NUBP1: variants seen among roughly 807,000 people sequenced by gnomAD.
The protein encoded by NUBP1 is cytosolic Fe-S cluster assembly factor NUBP1.
A neutral mutation model predicts 41.8 loss-of-function variants in NUBP1; 46 were observed. That is an observed-to-expected ratio of 1.10 (90% CI 0.87 to 1.41). NUBP1 has a LOEUF of 1.41. Among genes scored for constraint, NUBP1 ranks in the 40% most tolerant of loss-of-function variants. NUBP1 has a pLI of 0.00. For synonymous variants in NUBP1, 189 were observed against 154.6 expected, an observed-to-expected ratio of 1.22 and a Z score of -1.65; for missense variants, 494 against 414.0, an observed-to-expected ratio of 1.19 and a Z score of -1.68.
rs1298197253 is a variant in NUBP1 at position 10,756,699 on chromosome 16, G to A, written c.370G>A (p.Asp124Asn). Residue 124 changes from aspartate (D) to asparagine (N), a missense_variant, in exon 6 of 11, where the codon GAC becomes AAC. By Grantham distance (23) the Asp-to-Asn change is conservative. Transcript: ENST00000283027. ...GSGWSPVYVE[D>N]NLGVMSVGFL... ...CCTGTTCCCTCTGCAGTACGTGGAA[G>A]ACAACCTGGGGGTGATGTCAGTGGG... is the stretch of plus-strand genomic sequence containing the variant. 6.4e-7 allele frequency: 1 copy of A among 1,567,446 alleles called. No individual in the cohort carries two copies. Among genetic ancestry groups the A allele is most frequent in the Admixed American group, 2.0e-5 (1 of 49,984 alleles).
chr16:10,766,628 T>G lies in NUBP1; in HGVS notation c.821-1321T>G, dbSNP rs2030916954. On this transcript the variant is annotated intron_variant, in intron 9 of 10. Coordinates refer to ENST00000283027, the MANE Select transcript of NUBP1 (RefSeq NM_002484.4). The surrounding 1 kb of genome is among the most constrained non-coding windows in gnomAD (Gnocchi z 4.8). ...GGCCCAGCGTTAACGGCGGAGGATG[T>G]CCAGGTTCTTGGTGTCTGGAACAAA... 1 of 218,346 alleles carries G rather than the reference T, an allele frequency of 4.6e-6. No individual in the cohort carries two copies. The highest frequency in any genetic ancestry group is 5.9e-5 in the Admixed American group (1 of 17,062). 13.5% of individuals were successfully genotyped at this position (218,346 alleles called of 1,614,324 possible). A position where few individuals can be genotyped will look rare whatever the true frequency, so the allele number is the denominator to read the frequency against.
chr16:10,755,699 A>G (rs374476168), intron 4 of NUBP1, 22 bp from the exon 5 acceptor site: 25 of 1,613,630 alleles, frequency 1.5e-5, no homozygotes, highest in South Asian at 1.3e-4. Context: ...ACTAATGAAC[A>G]TCGGTGCTCA....
intron 7 of NUBP1, among the ~76,000 whole-genome samples, chr16:10,760,318 G>A (rs995435523): frequency 1.3e-5 from 2 of 152,230 alleles, no homozygotes; most frequent in Non-Finnish European, 2.9e-5. Context: ...GGCTGGTTCC[G>A]GAGGAACTTT....
chr16:10,761,860 G>A lies in NUBP1; in HGVS notation c.820+1G>A, dbSNP rs373364504. ...AGAGTGCCCCTGGATCCGCTCATAG[G>A]TGGGTGACCCCAGTGTGGGGCGGCA... is the stretch of plus-strand genomic sequence containing the variant. On this transcript the variant is annotated splice_donor_variant, in intron 9 of 10. Transcript: ENST00000283027. LOFTEE classifies it high-confidence loss of function. 2 of 1,612,332 alleles carry A rather than the reference G, an allele frequency of 1.2e-6. No individual in the cohort carries two copies. Among genetic ancestry groups the A allele is most frequent in the African/African-American group, 2.7e-5 (2 of 74,880 alleles).
chr16:10,765,524 A>G lies in NUBP1; in HGVS notation c.821-2425A>G, dbSNP rs78178924. Among the ~76,000 whole-genome samples the G allele has an allele frequency of 0.025, 3,840 of 152,054 alleles. 164 individuals are homozygous for G. Among genetic ancestry groups the G allele is most frequent in the African/African-American group, 0.088 (3,637 of 41,456 alleles). On this transcript the variant is annotated intron_variant, in intron 9 of 10. Transcript: ENST00000283027. The surrounding 1 kb of genome is among the most constrained non-coding windows in gnomAD (Gnocchi z 4.0). ...ACCTGTCTCAAAAAAAAATTTAAAA[A>G]TGGCATGCTTGCTGACCCACCCAAA...
At chr16:10,762,518 C>A (rs181055612) in intron 9 of NUBP1, among the ~76,000 whole-genome samples, 33 of 152,336 alleles carry the variant, frequency 2.2e-4, no homozygotes, top group African/African-American at 6.3e-4. Context: ...CGAAGCTGCT[C>A]CCCCAGGAGG....
intron 7 of NUBP1, among the ~76,000 whole-genome samples, chr16:10,758,762 C>T (rs916808726): frequency 6.6e-6 from 1 of 152,182 alleles, no homozygotes; most frequent in Non-Finnish European, 1.5e-5. Flanking sequence ...TTCAACAGAA[C>T]CAGCTGGGTG....
At position 10,767,894 on chromosome 16, in the gene NUBP1, G is replaced by A. The variant is rs184643867; in HGVS notation, c.821-55G>A. 34 of 1,500,410 alleles carry A rather than the reference G, an allele frequency of 2.3e-5. No individual in the cohort carries two copies. The highest frequency in any genetic ancestry group is 2.0e-4 in the Admixed American group (12 of 59,774). The allele number at this position is 1,500,410 out of a possible 1,614,324, so 92.9% of individuals were successfully genotyped here. Reference sequence around the variant, plus strand: ...CACGGAAAGAGCCCCAAGATCTTGTGGCCATTCTGTTTTCCTCTTGGACTG... The same window carrying A: ...CACGGAAAGAGCCCCAAGATCTTGTAGCCATTCTGTTTTCCTCTTGGACTG... On this transcript the variant is annotated intron_variant, in intron 9 of 10. Transcript: ENST00000283027. This position sits in a 1 kb window ranked among gnomAD's most constrained non-coding sequence, Gnocchi z 4.6.
rs1596446584 is a variant in NUBP1, at chr16:10,743,849, G to T, written c.-15G>T. ...AGCGGGTTCCGGTGACCACGAAGGCGGCAAAGGCGACGGAATGGAGGAGGT... is the reference window on the plus strand; with the variant it reads ...AGCGGGTTCCGGTGACCACGAAGGCTGCAAAGGCGACGGAATGGAGGAGGT... On this transcript the variant is annotated 5_prime_UTR_variant, in exon 1 of 11. Transcript: ENST00000283027. The T allele has an allele frequency of 1.3e-6, 2 of 1,560,102 alleles. No homozygotes were observed. Among genetic ancestry groups the T allele is most frequent in the Non-Finnish European group, 8.7e-7 (1 of 1,152,280 alleles).
Position 10,757,810 on chromosome 16 carries a change from A to T in NUBP1, c.452-63A>T. On this transcript the variant is annotated intron_variant, in intron 6 of 10. Transcript: ENST00000283027. The surrounding 1 kb of genome is among the most constrained non-coding windows in gnomAD (Gnocchi z 4.1). ...AGACCCCATCCTTTAAAAAAAAAAG[A>T]GGGAGTTGAAAGTACAGAAAAGAAA... The T allele has an allele frequency of 6.4e-7, 1 of 1,553,598 alleles. No homozygotes were observed. The highest frequency in any genetic ancestry group is 8.8e-7 in the Non-Finnish European group (1 of 1,140,404).
Position 10,752,632 on chromosome 16 carries a change from T to G in NUBP1, c.281T>G (p.Ile94Arg). The G allele has an allele frequency of 6.2e-7, 1 of 1,613,802 alleles. No individual in the cohort carries two copies. The highest frequency in any genetic ancestry group is 8.5e-7 in the Non-Finnish European group (1 of 1,179,768). ...CAGATTGCTCTTCTAGACATCGATA[T>G]ATGTGGGCCATCGATTCCCAAGATA... The part of the protein sequence containing the change: ...NTQIALLDID[I>R]CGPSIPKIMG... Residue 94 changes from isoleucine to arginine, a missense_variant, in exon 4 of 11, where the codon ATA becomes AGA. Physicochemically the swap from Ile to Arg is moderately conservative, Grantham distance 97 (BLOSUM62 -3). Transcript: ENST00000283027.
rs535628644 is a variant in NUBP1 at position 10,765,778 on chromosome 16, C to T, written c.821-2171C>T. 2.6e-5 allele frequency among the ~76,000 whole-genome samples: 4 copies of T among 152,208 alleles called. No individual in the cohort carries two copies. The highest frequency in any genetic ancestry group is 4.4e-5 in the Non-Finnish European group (3 of 68,042). On this transcript the variant is annotated intron_variant, in intron 9 of 10. Transcript: ENST00000283027. The surrounding 1 kb of genome is among the most constrained non-coding windows in gnomAD (Gnocchi z 4.0). ...TGGTTCACAAGAGCTAATTTCAAAG[C>T]AGAGGAGCCACCAGTGACAGCTGCG...
chr16:10,759,925 C>T lies in NUBP1; in HGVS notation c.607-1439C>T, dbSNP rs570765191. Among the ~76,000 whole-genome samples, 51 of 152,332 alleles carry T rather than the reference C, an allele frequency of 3.3e-4. No homozygotes were observed. Among genetic ancestry groups the T allele is most frequent in the African/African-American group, 1.2e-3 (51 of 41,574 alleles). Reference sequence around the variant, plus strand: ...CCCAAAGCTGCGAGCCTTTCGGGCTCACGTGAGTGGTGAAGCTCCAGGTGC... The same window carrying T: ...CCCAAAGCTGCGAGCCTTTCGGGCTTACGTGAGTGGTGAAGCTCCAGGTGC... On this transcript the variant is annotated intron_variant, in intron 7 of 10. Transcript: ENST00000283027. This position sits in a 1 kb window ranked among gnomAD's most constrained non-coding sequence, Gnocchi z 4.7.
intron 3 of NUBP1, among the ~76,000 whole-genome samples, chr16:10,751,440 G>A (rs542711786): frequency 7.5e-4 from 114 of 152,298 alleles, no homozygotes; most frequent in South Asian, 1.5e-3. Flanking sequence ...TCTGTGGATG[G>A]CGTTTTCCCG....
At chr16:10,744,204 C>G in intron 2 of NUBP1, 139 bp downstream of exon 2, 1 of 848,598 alleles carries the variant, frequency 1.2e-6, no homozygotes, top group Non-Finnish European at 1.7e-6. Flanking sequence ...AGGGGTGGGG[C>G]CCAGAAGGGG....
chr16:10,761,759 A>G lies in NUBP1; in HGVS notation c.720A>G (p.Lys240=), dbSNP rs1299830682. 3 of 1,612,114 alleles carry G rather than the reference A, an allele frequency of 1.9e-6. No individual in the cohort carries two copies. Among genetic ancestry groups the G allele is most frequent in the East Asian group, 4.5e-5 (2 of 44,808 alleles). The stretch of plus-strand genomic sequence containing the variant: ...TCCCCTTTGAATTTGCCTTGCAGAA[A>G]GAATCTCAGATATTCCCTCCCACAA... ...MSGFICPKCK[K]ESQIFPPTTG... is the part of the protein sequence containing the mutation. The change falls in exon 9 of 11, where the codon AAA becomes AAG. Residue 240 remains lysine, a splice_region_variant and synonymous_variant. Transcript: ENST00000283027.
At position 10,762,869 on chromosome 16, in the gene NUBP1, C is replaced by G. The variant is rs141199591; in HGVS notation, c.820+1010C>G. On this transcript the variant is annotated intron_variant, in intron 9 of 10. Coordinates refer to ENST00000283027, the MANE Select transcript of NUBP1 (RefSeq NM_002484.4). ...CTGGAGGCGGGGAGGGCGGAGGCCA[C>G]GTGGGGAGCCTTGGGGAAGGGCTGC... 5.1e-3 allele frequency among the ~76,000 whole-genome samples: 779 copies of G among 151,780 alleles called. 2 individuals are homozygous for G. The highest frequency in any genetic ancestry group is 8.7e-3 in the Non-Finnish European group (592 of 67,866).
Position 10,759,225 on chromosome 16 carries a change from A to G in NUBP1, c.606+1198A>G, listed in dbSNP as rs1229399094. On this transcript the variant is annotated intron_variant, in intron 7 of 10. Coordinates refer to ENST00000283027, the MANE Select transcript of NUBP1 (RefSeq NM_002484.4). The surrounding 1 kb of genome is among the most constrained non-coding windows in gnomAD (Gnocchi z 4.7). ...TGGCCCCTGTGGCTCCCTGAGGAAC[A>G]CAGGTGCTGGACACAGGGATGAGGG... Among the ~76,000 whole-genome samples the G allele has an allele frequency of 6.6e-6, 1 of 152,214 alleles. No individual in the cohort carries two copies. Among genetic ancestry groups the G allele is most frequent in the African/African-American group, 2.4e-5 (1 of 41,458 alleles).
intron 2 of NUBP1, among the ~76,000 whole-genome samples, chr16:10,746,397 A>G (rs753298750): frequency 6.6e-6 from 1 of 152,174 alleles, no homozygotes; most frequent in Non-Finnish European, 1.5e-5. Context: ...ATTTAGCACA[A>G]TCTGGGCTGT....
Sources: allele counts gnomAD v4.1 joint callset (sites outside exome capture counted in the v4.1 genomes callset), GRCh38; gene constraint gnomAD v4.1.1; non-coding constraint Gnocchi (gnomAD v3.1); transcripts MANE v1.5; gene names NCBI Gene and HGNC (gene_info 2026-07-23, HGNC 2026-07-21).